Variants in SMYD3 observed in about 807,000 individuals in gnomAD.
The protein encoded by SMYD3 is SET and MYND domain containing 3.
In SMYD3, 36 loss-of-function variants were observed where a neutral mutation model predicts 57.7. The ratio of observed to expected loss-of-function variants is 0.62; its 90% CI spans 0.48 to 0.82. SMYD3 has a LOEUF of 0.82. Among genes scored for constraint, SMYD3 ranks in the 40% least tolerant of loss-of-function variants. The pLI is 0.00. For missense variants in SMYD3, 515 were observed against 538.8 expected, an observed-to-expected ratio of 0.96 and a Z score of 0.44; for synonymous variants, 211 against 195.0, an observed-to-expected ratio of 1.08 and a Z score of -0.68.
At chr1:246,433,473 C>A (rs568869404) in intron 1 of SMYD3, among the ~76,000 whole-genome samples, 1 of 152,226 alleles carries the variant, frequency 6.6e-6, no homozygotes, top group South Asian at 2.1e-4. Flanking sequence ...CCAGCCTGGA[C>A]AACATGGTAA....
At chr1:246,185,472 T>TTTTTTA in intron 5 of SMYD3, among the ~76,000 whole-genome samples, 1 of 53,496 alleles carries the variant, frequency 1.9e-5, no homozygotes, top group Non-Finnish European at 2.9e-5. Context: ...TTTTTTTTTT[T>TTTTTTA]GAGACGGAGT....
intron 10 of SMYD3, among the ~76,000 whole-genome samples, chr1:245,806,656 A>G (rs1052844255): frequency 2.0e-5 from 3 of 151,410 alleles, no homozygotes; most frequent in Non-Finnish European, 2.9e-5. Flanking sequence ...CACGCCTGTA[A>G]TCCCAGCACT....
chr1:246,036,943 G>A (rs142563761), intron 5 of SMYD3, among the ~76,000 whole-genome samples: 13 of 152,128 alleles, frequency 8.5e-5, no homozygotes, highest in East Asian at 3.9e-4. Flanking sequence ...ATAACTGAGC[G>A]TTGATTTCAT....
chr1:245,948,260 G>A (rs1311142720), intron 5 of SMYD3, among the ~76,000 whole-genome samples: 2 of 152,120 alleles, frequency 1.3e-5, no homozygotes, highest in Admixed American at 6.5e-5. Flanking sequence ...GGAAACAGCA[G>A]GACGGAATCA....
At chr1:245,798,482 CACCA>C (rs1284931310) in intron 10 of SMYD3, among the ~76,000 whole-genome samples, 1 of 81,184 alleles carries the variant, frequency 1.2e-5, no homozygotes, top group African/African-American at 8.5e-5. Flanking sequence ...ATACACAACA[CACCA>C]CACACACACA....
chr1:245,754,978 C>G (rs182636877), intron 11 of SMYD3, among the ~76,000 whole-genome samples: 3 of 152,322 alleles, frequency 2.0e-5, no homozygotes, highest in Admixed American at 2.0e-4. Context: ...GAGCTCAGGT[C>G]TGTGCTTTCC....
At chr1:246,360,002 G>A (rs528325908) in intron 1 of SMYD3, among the ~76,000 whole-genome samples, 1 of 152,232 alleles carries the variant, frequency 6.6e-6, no homozygotes, top group African/African-American at 2.4e-5. Context: ...ATCCAAATTA[G>A]TAGAGGAAGT....
intron 1 of SMYD3, among the ~76,000 whole-genome samples, chr1:246,479,199 T>G (rs10924741): frequency 0.35 from 52,762 of 149,424 alleles, 9,844 homozygotes; most frequent in African/African-American, 0.5. Flanking sequence ...GCTCATATAG[T>G]TACACCTGTC....
chr1:246,220,081 T>C (rs927120160), intron 5 of SMYD3, among the ~76,000 whole-genome samples: 4 of 152,178 alleles, frequency 2.6e-5, no homozygotes, highest in South Asian at 2.1e-4. Context: ...TATAATGATA[T>C]CTAAACGCAA....
chr1:246,239,934 GTTGT>G (rs1476295643), intron 5 of SMYD3, among the ~76,000 whole-genome samples: 3 of 152,140 alleles, frequency 2.0e-5, no homozygotes, highest in Non-Finnish European at 4.4e-5. Context: ...TTTTGATGAG[GTTGT>G]TTGATTTTTT....
intron 1 of SMYD3, among the ~76,000 whole-genome samples, chr1:246,480,007 G>A (rs923058686): frequency 6.6e-6 from 1 of 152,124 alleles, no homozygotes; most frequent in Non-Finnish European, 1.5e-5. Context: ...CTACTCCCCC[G>A]ACCCTTGTTT....
intron 5 of SMYD3, among the ~76,000 whole-genome samples, chr1:245,982,899 G>A (rs1029948585): frequency 5.3e-5 from 8 of 152,138 alleles, no homozygotes; most frequent in South Asian, 2.1e-4. Context: ...CTTGCAAAGC[G>A]GTTCAAATTC....
At chr1:245,854,378 C>T (rs2051126055) in intron 10 of SMYD3, among the ~76,000 whole-genome samples, 1 of 152,024 alleles carries the variant, frequency 6.6e-6, no homozygotes, top group African/African-American at 2.4e-5. Flanking sequence ...GTGGATTTAC[C>T]CTATGGATTC....
At chr1:246,215,698 C>T (rs766525598) in intron 5 of SMYD3, among the ~76,000 whole-genome samples, 3 of 152,080 alleles carry the variant, frequency 2.0e-5, no homozygotes, top group African/African-American at 4.8e-5. Flanking sequence ...AAGGGGCCAG[C>T]GGAACTCAAC....
chr1:246,163,656 G>A (rs1403099231), intron 5 of SMYD3, among the ~76,000 whole-genome samples: 2 of 152,116 alleles, frequency 1.3e-5, no homozygotes, highest in Admixed American at 1.3e-4. Context: ...TATTAATTTA[G>A]ATACTCTTTA....
At chr1:245,942,461 A>T (rs1483998556) in intron 5 of SMYD3, among the ~76,000 whole-genome samples, 2 of 152,212 alleles carry the variant, frequency 1.3e-5, no homozygotes, top group Non-Finnish European at 2.9e-5. Flanking sequence ...CCAATACAGG[A>T]GCACCCAGAT....
chr1:245,877,610 C>T (rs889168605), intron 8 of SMYD3, among the ~76,000 whole-genome samples: 1 of 152,146 alleles, frequency 6.6e-6, no homozygotes, highest in African/African-American at 2.4e-5. Context: ...AGGAACAATT[C>T]AAGAGAGTGT....
chr1:245,969,437 C>T (rs1167904320), intron 5 of SMYD3, among the ~76,000 whole-genome samples: 4 of 152,224 alleles, frequency 2.6e-5, no homozygotes, highest in African/African-American at 7.2e-5. Flanking sequence ...CAAAGCCTCG[C>T]TTGTCTGAGT....
At chr1:246,383,989 T>A (rs1304967835) in intron 1 of SMYD3, among the ~76,000 whole-genome samples, 4 of 152,090 alleles carry the variant, frequency 2.6e-5, no homozygotes, top group Non-Finnish European at 4.4e-5. Context: ...AGATCTGGAA[T>A]GGTGAGTCTG....
Sources: allele counts gnomAD v4.1 joint callset (sites outside exome capture counted in the v4.1 genomes callset), GRCh38; gene constraint gnomAD v4.1.1; transcripts MANE v1.5; gene names NCBI Gene and HGNC (gene_info 2026-07-23, HGNC 2026-07-21).